ZDHHC17: variants seen among roughly 807,000 people sequenced by gnomAD.
ZDHHC17 encodes the protein zDHHC palmitoyltransferase 17, also known as palmitoyltransferase ZDHHC17.
ZDHHC17 carries 40 observed loss-of-function variants against 90.3 expected under a neutral mutation model. That is an observed-to-expected ratio of 0.44 (90% CI 0.34 to 0.58). ZDHHC17 has a LOEUF of 0.58. Ranked by LOEUF, ZDHHC17 falls within the 20% of genes least tolerant of loss-of-function variation. The pLI, the probability that ZDHHC17 is intolerant of heterozygous loss-of-function variation, is 0.01. For missense variants in ZDHHC17, 614 were observed against 780.8 expected (o/e 0.79, Z 2.55); for synonymous variants, 235 against 252.4 (o/e 0.93, Z 0.65).
intron 1 of ZDHHC17, chr12:76,764,646 T>C (rs908535864): frequency 1.4e-5 from 7 of 501,336 alleles, no homozygotes; most frequent in African/African-American, 3.9e-5. Context: ...GTGTGGTTTT[T>C]GAACCGCAGC....
intron 1 of ZDHHC17, among the ~76,000 whole-genome samples, chr12:76,795,341 G>A (rs377682375): frequency 5.9e-5 from 9 of 151,652 alleles, no homozygotes; most frequent in African/African-American, 2.2e-4. Context: ...CCTCTTTAAC[G>A]TTGCACATGT....
Position 76,849,447 on chromosome 12 carries a change from A to G in ZDHHC17, c.1737A>G (p.Thr579=). 6.4e-7 allele frequency: 1 copy of G among 1,552,468 alleles called. No homozygotes were observed. Among genetic ancestry groups the G allele is most frequent in the Non-Finnish European group, 8.7e-7 (1 of 1,147,112 alleles). Residue 579 remains threonine, a synonymous_variant, in exon 16 of 17, where the codon ACA becomes ACG. Coordinates refer to ENST00000426126, the MANE Select transcript of ZDHHC17 (RefSeq NM_015336.4). ...ARRYKHFKVT[T]TSIESPFNHG... ...GATACAAGCACTTTAAAGTCACAAC[A>G]ACGTCTATTGAAAGCCCATTCAAGT... is the stretch of plus-strand genomic sequence containing the variant.
chr12:76,797,316 T>C (rs2137745629), intron 1 of ZDHHC17, 118 bp from the exon 2 acceptor site: 2 of 595,858 alleles, frequency 3.4e-6, no homozygotes, highest in East Asian at 6.4e-5. Context: ...AAGGTAAATT[T>C]AATTATTTCA....
At chr12:76,809,976 G>A in intron 5 of ZDHHC17, 119 bp downstream of exon 5, 1 of 1,060,426 alleles carries the variant, frequency 9.4e-7, no homozygotes, top group Non-Finnish European at 1.3e-6. Flanking sequence ...GATGGGTGAA[G>A]AACATAAATA....
intron 2 of ZDHHC17, among the ~76,000 whole-genome samples, chr12:76,803,758 A>G (rs2137754564): frequency 6.6e-6 from 1 of 152,306 alleles, no homozygotes; most frequent in East Asian, 1.9e-4. Flanking sequence ...TGCATGATGA[A>G]TTTAAGGCCC....
intron 1 of ZDHHC17, among the ~76,000 whole-genome samples, chr12:76,774,005 T>A (rs963662814): frequency 6.6e-6 from 1 of 152,174 alleles, no homozygotes; most frequent in African/African-American, 2.4e-5. Context: ...ATCCCAGCAC[T>A]TTGGGAGGCT....
At chr12:76,820,968 C>T in intron 7 of ZDHHC17, 1 of 760,456 alleles carries the variant, frequency 1.3e-6, no homozygotes, top group East Asian at 6.6e-5. Context: ...TTTATTTTAC[C>T]AGCTGAATAA....
chr12:76,840,586 C>T (rs1953423585), intron 10 of ZDHHC17: 1 of 152,098 alleles, frequency 6.6e-6, no homozygotes, highest in South Asian at 2.1e-4. Context: ...GGTGATCCAC[C>T]CCCCTCGGCC....
chr12:76,809,581 T>C, intron 4 of ZDHHC17, 132 bp from the exon 5 acceptor site: 1 of 660,106 alleles, frequency 1.5e-6, no homozygotes, highest in East Asian at 3.3e-5. Context: ...TTTTGACATG[T>C]ATCTATTTTA....
chr12:76,764,199 C>T lies in ZDHHC17; in HGVS notation c.-38C>T, dbSNP rs1198253283. 6.6e-7 allele frequency: 1 copy of T among 1,513,834 alleles called. No homozygotes were observed. The highest frequency in any genetic ancestry group is 8.9e-7 in the Non-Finnish European group (1 of 1,122,978). The allele number at this position is 1,513,834 out of a possible 1,614,324, so 93.8% of individuals were successfully genotyped here. ...CTCGCCCCGCGCTCGCCCTCCGCCTCGCCCGAGCCCCGGGAGGGTGAAACG... is the reference window on the plus strand; with the variant it reads ...CTCGCCCCGCGCTCGCCCTCCGCCTTGCCCGAGCCCCGGGAGGGTGAAACG... On this transcript the variant is annotated 5_prime_UTR_variant, in exon 1 of 17. Transcript: ENST00000426126.
chr12:76,849,035 C>T (rs1047203827), intron 15 of ZDHHC17, among the ~76,000 whole-genome samples: 13 of 146,056 alleles, frequency 8.9e-5, no homozygotes, highest in South Asian at 2.2e-4. Context: ...CCTGTAATCC[C>T]AGCACTTGGA....
chr12:76,841,824 A>AG, intron 10 of ZDHHC17, among the ~76,000 whole-genome samples, 158 bp from the exon 11 acceptor site: 1 of 152,292 alleles, frequency 6.6e-6, no homozygotes, highest in Non-Finnish European at 1.5e-5. Context: ...AAATTTATAA[A>AG]GAAGTCACAT....
intron 4 of ZDHHC17, 89 bp from the exon 5 acceptor site, chr12:76,809,624 C>T (rs994921082): frequency 1.9e-6 from 2 of 1,065,946 alleles, no homozygotes; most frequent in South Asian, 2.7e-5. Context: ...CGTAATCTTC[C>T]CACCATACCT....
intron 10 of ZDHHC17, among the ~76,000 whole-genome samples, chr12:76,830,155 T>C (rs1273038506): frequency 6.6e-6 from 1 of 152,240 alleles, no homozygotes; most frequent in East Asian, 1.9e-4. Context: ...AAGTGTTAAA[T>C]ATTTTTCAAA....
chr12:76,849,118 TAAAAAAAAA>T (rs1035048447), intron 15 of ZDHHC17, among the ~76,000 whole-genome samples: 5 of 48,474 alleles, frequency 1.0e-4, no homozygotes, highest in African/African-American at 3.9e-4. Flanking sequence ...ACCCTATCTC[TAAAAAAAAA>T]AAAAAAAAAA....
In ZDHHC17 at chr12:76,846,628, C is replaced by T. The variant is rs1415945719; in HGVS notation, c.1456C>T (p.Leu486=). 5 of 1,612,432 alleles carry T rather than the reference C, an allele frequency of 3.1e-6. No homozygotes were observed. Among genetic ancestry groups the T allele is most frequent in the Non-Finnish European group, 3.4e-6 (4 of 1,179,106 alleles). Residue 486 remains leucine, a synonymous_variant, in exon 14 of 17, where the codon CTA becomes TTA. Transcript: ENST00000426126. ...AGNHRYFMGY[L]FFLLFMICWM... ...CAACCATAGATATTTTATGGGCTACCTATTCTTCTTGCTTTTTATGATCTG... is the reference window on the plus strand; with the variant it reads ...CAACCATAGATATTTTATGGGCTACTTATTCTTCTTGCTTTTTATGATCTG...
chr12:76,808,804 TTC>T (rs1416331058), intron 3 of ZDHHC17, among the ~76,000 whole-genome samples: 4 of 151,986 alleles, frequency 2.6e-5, no homozygotes, highest in African/African-American at 9.7e-5. Context: ...GGCATTTTTA[TTC>T]TTTTTTTTTT....
At chr12:76,781,039 C>T (rs1229455351) in intron 1 of ZDHHC17, among the ~76,000 whole-genome samples, 4 of 147,152 alleles carry the variant, frequency 2.7e-5, no homozygotes, top group Non-Finnish European at 5.9e-5. Flanking sequence ...GAGGCTGAGG[C>T]TGGAGAATGG....
At chr12:76,773,969 C>G (rs1469544971) in intron 1 of ZDHHC17, among the ~76,000 whole-genome samples, 1 of 152,112 alleles carries the variant, frequency 6.6e-6, no homozygotes, top group African/African-American at 2.4e-5. Context: ...ATACTTCTGG[C>G]TGAGTGCGGT....
Sources: allele counts gnomAD v4.1 joint callset (sites outside exome capture counted in the v4.1 genomes callset), GRCh38; gene constraint gnomAD v4.1.1; transcripts MANE v1.5; gene names NCBI Gene and HGNC (gene_info 2026-07-23, HGNC 2026-07-21).